SLC25A13: variants seen among roughly 807,000 people sequenced by gnomAD.
SLC25A13 encodes the protein solute carrier family 25 member 13.
A neutral mutation model predicts 85.5 loss-of-function variants in SLC25A13; 70 were observed. The observed-to-expected ratio is 0.82, with a 90% CI of 0.68 to 1.00. SLC25A13 has a LOEUF of 1.00. Among genes scored for constraint, SLC25A13 ranks in the 50% least tolerant of loss-of-function variants. The pLI is 0.00. For synonymous variants in SLC25A13, 259 were observed against 288.7 expected (o/e 0.90, Z 1.04); for missense variants, 765 against 819.8 (o/e 0.93, Z 0.82).
intron 3 of SLC25A13, among the ~76,000 whole-genome samples, chr7:96,254,842 A>G (rs1463132402): frequency 6.6e-6 from 1 of 152,212 alleles, no homozygotes; most frequent in Non-Finnish European, 1.5e-5. Context: ...ACCTATAAAA[A>G]GGAAGGAAGA....
intron 3 of SLC25A13, among the ~76,000 whole-genome samples, chr7:96,272,527 G>A (rs1226252983): frequency 6.6e-6 from 1 of 152,152 alleles, no homozygotes; most frequent in East Asian, 1.9e-4. Context: ...CTTCTTGTTG[G>A]GGGGAAAAGT....
At chr7:96,236,080 C>A (rs1278297336) in intron 3 of SLC25A13, among the ~76,000 whole-genome samples, 1 of 152,156 alleles carries the variant, frequency 6.6e-6, no homozygotes, top group Non-Finnish European at 1.5e-5. Context: ...AGAGAGAACA[C>A]ATTTTTATAA....
chr7:96,229,128 C>T (rs917884976), intron 4 of SLC25A13, among the ~76,000 whole-genome samples: 4 of 152,316 alleles, frequency 2.6e-5, no homozygotes, highest in Non-Finnish European at 2.9e-5. Flanking sequence ...CAGCTCCGCC[C>T]GCAGCCCCAG....
chr7:96,302,169 T>C (rs1237215301), intron 1 of SLC25A13, among the ~76,000 whole-genome samples: 2 of 152,174 alleles, frequency 1.3e-5, no homozygotes, highest in Non-Finnish European at 2.9e-5. Context: ...AGGTACATCC[T>C]AGAAATAAAA....
chr7:96,179,386 C>A (rs190234174), intron 11 of SLC25A13, among the ~76,000 whole-genome samples: 144 of 152,330 alleles, frequency 9.5e-4, no homozygotes, highest in African/African-American at 3.4e-3. Context: ...AGGATACCTA[C>A]ACGTCTATCT....
At position 96,121,718 on chromosome 7, in the gene SLC25A13, A is replaced by C. The variant is rs1309491033; in HGVS notation, c.1778T>G (p.Phe593Cys). ...TTCGTAAGTCAGCAAAGTTACACCA[A>C]ACTGGGGTGAGGATCGAAATACACG... ...GARVFRSSPQ[F>C]GVTLLTYELL... Residue 593 changes from phenylalanine (F) to cysteine (C), a missense_variant, in exon 17 of 18, where the codon TTT (phenylalanine) becomes TGT (cysteine). Physicochemically the swap from Phe to Cys is radical, Grantham distance 205 (BLOSUM62 -2). Coordinates refer to ENST00000265631, the MANE Select transcript of SLC25A13 (RefSeq NM_014251.3). 1 of 1,614,204 alleles carries C rather than the reference A, an allele frequency of 6.2e-7. No individual in the cohort carries two copies. Among genetic ancestry groups the C allele is most frequent in the Admixed American group, 1.7e-5 (1 of 60,028 alleles).
At chr7:96,254,585 T>C (rs1797554701) in intron 3 of SLC25A13, among the ~76,000 whole-genome samples, 1 of 152,228 alleles carries the variant, frequency 6.6e-6, no homozygotes, top group African/African-American at 2.4e-5. Context: ...TATGTGTGTG[T>C]ATATATACCC....
chr7:96,187,567 T>C (rs1794686513), intron 9 of SLC25A13, among the ~76,000 whole-genome samples: 1 of 152,190 alleles, frequency 6.6e-6, no homozygotes, highest in African/African-American at 2.4e-5. Flanking sequence ...TACTTAGAAA[T>C]GTTCTGGCAT....
At chr7:96,211,989 C>T (rs750860769) in intron 4 of SLC25A13, among the ~76,000 whole-genome samples, 11 of 152,302 alleles carry the variant, frequency 7.2e-5, no homozygotes, top group Non-Finnish European at 1.5e-4. Context: ...AGATTCACTC[C>T]TAATTTTTAA....
intron 1 of SLC25A13, among the ~76,000 whole-genome samples, chr7:96,307,439 GC>G (rs1201898942): frequency 1.3e-5 from 2 of 152,098 alleles, no homozygotes; most frequent in African/African-American, 4.8e-5. Context: ...GGTGGCATGT[GC>G]CTGTAGTCCC....
rs547193701 is a variant in SLC25A13 at position 96,184,012 on chromosome 7, T to C, written c.1177+265A>G. Among the ~76,000 whole-genome samples the C allele has an allele frequency of 3.9e-5, 6 of 152,268 alleles. No homozygotes were observed. In the South Asian group the frequency reaches 1.2e-3, roughly 32 times the overall value. On this transcript the variant is annotated intron_variant, in intron 11 of 17. Transcript: ENST00000265631. ...GCAAACAATGTGAGCCTTTCAAAAATTCACGGAAGATGCTTATAAAAATAA... is the reference window on the plus strand; with the variant it reads ...GCAAACAATGTGAGCCTTTCAAAAACTCACGGAAGATGCTTATAAAAATAA...
chr7:96,224,592 C>G (rs1167078191), intron 4 of SLC25A13, among the ~76,000 whole-genome samples: 1 of 152,172 alleles, frequency 6.6e-6, no homozygotes, highest in African/African-American at 2.4e-5. Flanking sequence ...CTGGGTAAAA[C>G]TCACATCGTG....
At chr7:96,276,035 A>G (rs1042728372) in intron 3 of SLC25A13, among the ~76,000 whole-genome samples, 7 of 152,230 alleles carry the variant, frequency 4.6e-5, no homozygotes, top group African/African-American at 1.7e-4. Flanking sequence ...TCCAATAAAT[A>G]GAGAAAATTC....
chr7:96,317,088 A>G (rs1484135933), intron 1 of SLC25A13, among the ~76,000 whole-genome samples: 2 of 152,074 alleles, frequency 1.3e-5, no homozygotes, highest in Admixed American at 1.3e-4. Context: ...CCCCTACCTC[A>G]GCCTCCCGAG....
Position 96,145,921 on chromosome 7 carries a change from C to T in SLC25A13, c.1452+635G>A, listed in dbSNP as rs369745427. 6.5e-4 allele frequency among the ~76,000 whole-genome samples: 99 copies of T among 152,072 alleles called. 1 individual carries two copies. Among genetic ancestry groups the T allele is most frequent in the African/African-American group, 2.3e-3 (95 of 41,494 alleles). On this transcript the variant is annotated intron_variant, in intron 14 of 17. Transcript: ENST00000265631. ...CTAAAGGTTTACTTAGTCAAGCTAG[C>T]GTAAAATGTTTTTTTAAAAAATTCT...
At chr7:96,262,891 A>C (rs556904007) in intron 3 of SLC25A13, among the ~76,000 whole-genome samples, 1 of 152,300 alleles carries the variant, frequency 6.6e-6, no homozygotes, top group African/African-American at 2.4e-5. Context: ...TAATATGGGC[A>C]GTGAAAATAT....
Position 96,121,372 on chromosome 7 carries a change from G to A in SLC25A13, c.1847C>T (p.Pro616Leu), listed in dbSNP as rs1209952337. The A allele has an allele frequency of 1.2e-6, 2 of 1,614,096 alleles. No individual in the cohort carries two copies. Among genetic ancestry groups the A allele is most frequent in the Admixed American group, 3.3e-5 (2 of 60,018 alleles). Residue 616 changes from proline (P) to leucine (L), a missense_variant, in exon 18 of 18, where the codon CCC becomes CTC. Transcript: ENST00000265631. Reference protein sequence around the residue: ...WFYIDFGGVKPMGSEPVPKSR... With the variant: ...WFYIDFGGVKLMGSEPVPKSR... Reference sequence around the variant, plus strand: ...TTTAGGAACTGGCTCTGATCCCATGGGTTTTCTAAAAGAAGAGAAAACAGA... The same window carrying A: ...TTTAGGAACTGGCTCTGATCCCATGAGTTTTCTAAAAGAAGAGAAAACAGA...
intron 1 of SLC25A13, among the ~76,000 whole-genome samples, chr7:96,313,085 C>G (rs756474792): frequency 2.6e-5 from 4 of 152,210 alleles, no homozygotes; most frequent in Admixed American, 6.5e-5. Flanking sequence ...TCTAGGTCAG[C>G]AGAGTTTGAA....
chr7:96,146,806 G>A, intron 13 of SLC25A13, 110 bp from the exon 14 acceptor site: 1 of 1,312,376 alleles, frequency 7.6e-7, no homozygotes, highest in Non-Finnish European at 1.1e-6. Context: ...TCAAGAGAAT[G>A]TAGTTTCAGC....
Sources: allele counts gnomAD v4.1 joint callset (sites outside exome capture counted in the v4.1 genomes callset), GRCh38; gene constraint gnomAD v4.1.1; transcripts MANE v1.5; gene names NCBI Gene and HGNC (gene_info 2026-07-23, HGNC 2026-07-21).